Variants in PLEKHA5 observed in about 807,000 individuals in gnomAD.
PLEKHA5 encodes the protein pleckstrin homology domain containing A5, also known as pleckstrin homology domain-containing family A member 5.
A neutral mutation model predicts 181.9 loss-of-function variants in PLEKHA5; 55 were observed. The observed-to-expected ratio is 0.30, with a 90% CI of 0.24 to 0.38. The LOEUF is 0.38. Among genes scored for constraint, PLEKHA5 ranks in the 10% least tolerant of loss-of-function variants. The pLI, the probability that PLEKHA5 is intolerant of heterozygous loss-of-function variation, is 1.00. For synonymous variants in PLEKHA5, 535 were observed against 529.4 expected, an observed-to-expected ratio of 1.01 and a Z score of -0.15; for missense variants, 1,432 against 1,549.5, an observed-to-expected ratio of 0.92 and a Z score of 1.27.
chr12:19,156,106 T>C (rs763601518), intron 3 of PLEKHA5, among the ~76,000 whole-genome samples: 5 of 152,216 alleles, frequency 3.3e-5, no homozygotes, highest in Non-Finnish European at 7.3e-5. Flanking sequence ...ATATCAGTTA[T>C]CGCGCAAAGT....
intron 8 of PLEKHA5, among the ~76,000 whole-genome samples, chr12:19,266,169 A>G (rs529765445): frequency 2.6e-5 from 4 of 152,194 alleles, no homozygotes; most frequent in African/African-American, 9.6e-5. Context: ...ACGTTACTGT[A>G]TGTTTGAATT....
intron 26 of PLEKHA5, among the ~76,000 whole-genome samples, chr12:19,357,388 G>T (rs1419585773): frequency 6.6e-6 from 1 of 151,718 alleles, no homozygotes; most frequent in Non-Finnish European, 1.5e-5. Flanking sequence ...GGGACTACTG[G>T]CATGAGCCAC....
intron 10 of PLEKHA5, among the ~76,000 whole-genome samples, chr12:19,270,568 A>G (rs2072345436): frequency 1.3e-5 from 2 of 152,148 alleles, no homozygotes; most frequent in Admixed American, 6.5e-5. Flanking sequence ...AAATTGACCC[A>G]TGTATTTTTC....
At chr12:19,210,125 T>G (rs1592074837) in intron 3 of PLEKHA5, among the ~76,000 whole-genome samples, 1 of 152,210 alleles carries the variant, frequency 6.6e-6, no homozygotes, top group East Asian at 1.9e-4. Context: ...GGGCTCTCAG[T>G]TATTTAGGGA....
intron 3 of PLEKHA5, among the ~76,000 whole-genome samples, chr12:19,218,076 C>G (rs952100356): frequency 2.6e-5 from 4 of 152,102 alleles, no homozygotes; most frequent in African/African-American, 9.7e-5. Flanking sequence ...TGAGAGAAGA[C>G]GTCAGATGAT....
chr12:19,164,588 C>T lies in PLEKHA5; in HGVS notation c.227+32138C>T, dbSNP rs1417036056. Among the ~76,000 whole-genome samples, 3 of 152,134 alleles carry T rather than the reference C, an allele frequency of 2.0e-5. No individual in the cohort carries two copies. In the South Asian group the frequency reaches 6.2e-4, roughly 32 times the overall value. Reference sequence around the variant, plus strand: ...TCTTTCTTGGCACTATTGCCCACCCCTTAAAATCCCCTTCTTTACCTGGCT... The same window carrying T: ...TCTTTCTTGGCACTATTGCCCACCCTTTAAAATCCCCTTCTTTACCTGGCT... On this transcript the variant is annotated intron_variant, in intron 3 of 31. Coordinates refer to ENST00000429027, the MANE Select transcript of PLEKHA5 (RefSeq NM_001256470.2).
intron 3 of PLEKHA5, among the ~76,000 whole-genome samples, chr12:19,244,066 TTAA>T (rs1217806369): frequency 6.6e-6 from 1 of 152,062 alleles, no homozygotes; most frequent in Admixed American, 6.5e-5. Flanking sequence ...AATTTTATAT[TTAA>T]TAATAATTTT....
At chr12:19,356,420 G>A (rs1435959236) in intron 26 of PLEKHA5, among the ~76,000 whole-genome samples, 1 of 151,674 alleles carries the variant, frequency 6.6e-6, no homozygotes, top group Non-Finnish European at 1.5e-5. Context: ...TCAAGAAGCT[G>A]AGATAGGGTG....
chr12:19,363,233 C>A (rs2095316758), intron 29 of PLEKHA5, among the ~76,000 whole-genome samples: 1 of 151,394 alleles, frequency 6.6e-6, no homozygotes, highest in Non-Finnish European at 1.5e-5. Context: ...CCGGAGGGAA[C>A]CTCTGCCTCC....
chr12:19,140,857 C>G (rs149682682), intron 3 of PLEKHA5, among the ~76,000 whole-genome samples: 53 of 152,280 alleles, frequency 3.5e-4, no homozygotes, highest in African/African-American at 1.0e-3. Flanking sequence ...GACTCAGTCT[C>G]GGTTCACTGC....
At chr12:19,366,884 A>C (rs753612490) in intron 30 of PLEKHA5, among the ~76,000 whole-genome samples, 9 of 151,654 alleles carry the variant, frequency 5.9e-5, no homozygotes, top group Non-Finnish European at 2.9e-5. Flanking sequence ...TCTGTGCTCT[A>C]TTCTCTCATA....
chr12:19,160,393 T>G (rs1401020294), intron 3 of PLEKHA5, among the ~76,000 whole-genome samples: 1 of 152,060 alleles, frequency 6.6e-6, no homozygotes, highest in Non-Finnish European at 1.5e-5. Context: ...AGTTGTTATA[T>G]TGCAACCAAA....
intron 3 of PLEKHA5, among the ~76,000 whole-genome samples, chr12:19,249,111 T>C (rs969827601): frequency 1.3e-5 from 2 of 152,134 alleles, no homozygotes; most frequent in African/African-American, 4.8e-5. Context: ...AGTAGGAAGA[T>C]CACTTGAGCC....
At position 19,164,177 on chromosome 12, in the gene PLEKHA5, C is replaced by T. The variant is rs116885698; in HGVS notation, c.227+31727C>T. 5.0e-3 allele frequency among the ~76,000 whole-genome samples: 743 copies of T among 147,648 alleles called. 23 individuals carry two copies. In the East Asian group the frequency reaches 0.085, roughly 17 times the overall value. On this transcript the variant is annotated intron_variant, in intron 3 of 31. Coordinates refer to ENST00000429027, the MANE Select transcript of PLEKHA5 (RefSeq NM_001256470.2). ...CTCATTCTTGATATTTTCCCCACTT[C>T]TTGCTCTCCAGATGTTTTTGTTTTT...
chr12:19,311,254 TG>T (rs943876023), intron 15 of PLEKHA5, among the ~76,000 whole-genome samples: 1 of 145,282 alleles, frequency 6.9e-6, no homozygotes, highest in African/African-American at 2.6e-5. Flanking sequence ...ACCAAGACCC[TG>T]TCTCTGCAAA....
intron 8 of PLEKHA5, among the ~76,000 whole-genome samples, chr12:19,266,483 C>CA (rs1165789647): frequency 2.3e-4 from 35 of 150,796 alleles, no homozygotes; most frequent in African/African-American, 7.1e-4. Context: ...GACCCTGTCT[C>CA]AAAAAAAAAT....
chr12:19,281,601 A>C (rs1008814314), intron 11 of PLEKHA5, among the ~76,000 whole-genome samples: 2 of 151,468 alleles, frequency 1.3e-5, no homozygotes, highest in African/African-American at 4.8e-5. Flanking sequence ...GATAATAGGG[A>C]AACACAAATG....
At chr12:19,235,073 A>G (rs376855132) in intron 3 of PLEKHA5, among the ~76,000 whole-genome samples, 2 of 152,286 alleles carry the variant, frequency 1.3e-5, no homozygotes, top group South Asian at 2.1e-4. Flanking sequence ...TTTGAAACTA[A>G]CAAAGCCTTC....
chr12:19,298,288 G>A (rs567806999), intron 15 of PLEKHA5, among the ~76,000 whole-genome samples: 1 of 151,796 alleles, frequency 6.6e-6, no homozygotes, highest in Non-Finnish European at 1.5e-5. Flanking sequence ...AGAACTGTAA[G>A]ACTAAATGGA....
Sources: gnomAD v4.1 joint callset for allele counts (sites outside exome capture counted in the v4.1 genomes callset) on GRCh38, gnomAD v4.1.1 for gene constraint, MANE v1.5 for transcripts, NCBI Gene and HGNC (gene_info 2026-07-23, HGNC 2026-07-21) for gene names.